SPC24: variants seen among roughly 807,000 people sequenced by gnomAD.
The protein encoded by SPC24 is SPC24 component of NDC80 kinetochore complex, also known as kinetochore protein Spc24.
In SPC24, 31 loss-of-function variants were observed where a neutral mutation model predicts 27.6. The ratio of observed to expected loss-of-function variants is 1.12; its 90% confidence interval spans 0.84 to 1.52. The LOEUF (loss-of-function observed/expected upper bound fraction) is 1.52. Ranked by LOEUF, SPC24 falls within the 40% of genes most tolerant of loss-of-function variation. The pLI, the probability that SPC24 is intolerant of heterozygous loss-of-function variation, is 0.00. For missense variants in SPC24, 284 were observed against 252.5 expected (o/e 1.12, Z -0.84); for synonymous variants, 105 against 105.8 (o/e 0.99, Z 0.05).
Position 11,155,677 on chromosome 19 carries a change from G to A in SPC24, c.100C>T (p.His34Tyr). ...EAQQRRLLGRHEQVVERLLET... is the reference protein window; with the variant it reads ...EAQQRRLLGRYEQVVERLLET... ...AGCAGCCGCTCCACCACCTGCTCGT[G>A]GCGCCCCAGCAGCCGTCGCTGCTGC... is the stretch of plus-strand genomic sequence containing the variant. Residue 34 changes from histidine to tyrosine, a missense_variant, in exon 1 of 5, where the codon CAC becomes TAC. By Grantham distance (83) the His-to-Tyr change is moderately conservative. Transcript: ENST00000592540. The A allele has an allele frequency of 1.3e-6, 2 of 1,559,480 alleles. No individual in the cohort carries two copies. The highest frequency in any genetic ancestry group is 1.7e-6 in the Non-Finnish European group (2 of 1,159,742).
At chr19:11,149,454 A>G (rs983244442) in intron 1 of SPC24, 3 of 367,746 alleles carry the variant, frequency 8.2e-6, no homozygotes, top group Non-Finnish European at 1.4e-5. Context: ...CACCTAAAAT[A>G]TAACAAAATA....
chr19:11,154,671 A>G (rs777031520), intron 1 of SPC24, among the ~76,000 whole-genome samples: 2 of 95,310 alleles, frequency 2.1e-5, no homozygotes, highest in Non-Finnish European at 4.4e-5. Context: ...GGAAGGGTAG[A>G]TATTGTACAA....
At position 11,150,185 on chromosome 19, in the gene SPC24, C is replaced by CAAAA. The variant is rs770061574; in HGVS notation, c.161-951_161-948dup. Among the ~76,000 whole-genome samples the CAAAA allele has an allele frequency of 4.7e-3, 152 of 32,228 alleles. 8 individuals carry two copies. Among genetic ancestry groups the CAAAA allele is most frequent in the East Asian group, 0.047 (50 of 1,068 alleles). The allele number at this position is 32,228 out of a possible 152,430, so 21.1% of individuals were successfully genotyped here. Reference sequence around the variant, plus strand: ...CTAGGGGGCTGAGGAAACTCCATCTCAAAAAAAAAAAAAAAAAAAAAAAGG... The same window carrying CAAAA: ...CTAGGGGGCTGAGGAAACTCCATCTCAAAAAAAAAAAAAAAAAAAAAAAAAAAGG... On this transcript the variant is annotated intron_variant, in intron 1 of 4. Transcript: ENST00000592540.
rs60459264 is a variant in SPC24, at chr19:11,155,485, G to A, written c.160+132C>T. ...ATGGTGAAACTAAGGCTCAGAGGGG[G>A]CCGTCCCAGGGGGCATAGGGCAGGA... On this transcript the variant is annotated intron_variant, in intron 1 of 4. Transcript: ENST00000592540. 4,734 of 1,086,536 alleles carry A rather than the reference G, an allele frequency of 4.4e-3. 92 individuals are homozygous for A. The African/African-American group carries it at 0.057, about 13-fold the overall frequency. 67.3% of individuals were successfully genotyped at this position (1,086,536 alleles called of 1,614,324 possible). A position where few individuals can be genotyped will look rare whatever the true frequency, so the allele number is the denominator to read the frequency against.
chr19:11,153,869 C>T (rs556595913), intron 1 of SPC24, among the ~76,000 whole-genome samples: 1 of 151,564 alleles, frequency 6.6e-6, no homozygotes, highest in South Asian at 2.1e-4. Context: ...AGATCGAGAC[C>T]ATCCTGGCTA....
At chr19:11,151,102 G>C (rs1255585185) in intron 1 of SPC24, among the ~76,000 whole-genome samples, 1 of 136,846 alleles carries the variant, frequency 7.3e-6, no homozygotes, top group Non-Finnish European at 1.5e-5. Flanking sequence ...GGCGGAGCTT[G>C]CAGTGAGCCA....
chr19:11,155,705 C>T lies in SPC24; in HGVS notation c.72G>A (p.Glu24=), dbSNP rs769747126. Residue 24 remains glutamate, a synonymous_variant, in exon 1 of 5, where the codon GAG becomes GAA. Transcript: ENST00000592540. The stretch of plus-strand genomic sequence containing the variant: ...GCCCCAGCAGCCGTCGCTGCTGCGC[C>T]TCCGCGCGGTTGGCGCCCAGCAGGC... ...LLSLLGANRA[E]AQQRRLLGRH... is the part of the protein sequence containing the mutation. The T allele has an allele frequency of 3.8e-6, 6 of 1,572,298 alleles. No individual in the cohort carries two copies. The highest frequency in any genetic ancestry group is 5.1e-6 in the Non-Finnish European group (6 of 1,167,142).
rs1276476970 is a variant in SPC24 at position 11,149,248 on chromosome 19, G to A, written c.161-10C>T. On this transcript the variant is annotated splice_polypyrimidine_tract_variant and intron_variant, in intron 1 of 4. Coordinates refer to ENST00000592540, the MANE Select transcript of SPC24 (RefSeq NM_182513.4). Reference sequence around the variant, plus strand: ...TCCATGGTGAGGATCTCTGCAGGGTGGAGAGAAGCAGGCTCCCTAGGGTCT... The same window carrying A: ...TCCATGGTGAGGATCTCTGCAGGGTAGAGAGAAGCAGGCTCCCTAGGGTCT... The A allele has an allele frequency of 4.6e-6, 7 of 1,514,824 alleles. No homozygotes were observed. The highest frequency in any genetic ancestry group is 6.2e-6 in the Non-Finnish European group (7 of 1,129,248). 93.8% of individuals were successfully genotyped at this position (1,514,824 alleles called of 1,614,324 possible). A position where few individuals can be genotyped will look rare whatever the true frequency, so the allele number is the denominator to read the frequency against.
At chr19:11,149,321 C>G in intron 1 of SPC24, 83 bp from the exon 2 acceptor site, 2 of 1,306,468 alleles carry the variant, frequency 1.5e-6, no homozygotes, top group Non-Finnish European at 2.0e-6. Context: ...CTTGCCTCCA[C>G]TGGCAAGAAA....
At position 11,150,220 on chromosome 19, in the gene SPC24, G is replaced by T. The variant is rs184213274; in HGVS notation, c.161-982C>A. 6.9e-3 allele frequency among the ~76,000 whole-genome samples: 1,030 copies of T among 150,128 alleles called. 15 individuals are homozygous for T. The highest frequency in any genetic ancestry group is 0.024 in the African/African-American group (988 of 40,652). On this transcript the variant is annotated intron_variant, in intron 1 of 4. Coordinates refer to ENST00000592540, the MANE Select transcript of SPC24 (RefSeq NM_182513.4). ...AAAAAAAAAAAAAAGGCTAGGTGTG[G>T]TGGCTCATACCTGTAATCCCAGCGC... is the stretch of plus-strand genomic sequence containing the variant.
At chr19:11,148,974 T>TG (rs1407005828) in intron 2 of SPC24, 120 bp downstream of exon 2, 1 of 1,036,620 alleles carries the variant, frequency 9.6e-7, no homozygotes, top group African/African-American at 1.7e-5. Flanking sequence ...CTCCAACTCC[T>TG]GGGCTCAAGT....
chr19:11,147,278 G>C lies in SPC24; in HGVS notation c.499C>G (p.Pro167Ala), dbSNP rs749933933. The C allele has an allele frequency of 1.5e-4, 238 of 1,565,948 alleles. No individual in the cohort carries two copies. The highest frequency in any genetic ancestry group is 2.0e-4 in the Non-Finnish European group (232 of 1,154,648). The change falls in exon 5 of 5, where the codon CCC becomes GCC. Residue 167 changes from proline (P) to alanine (A), a missense_variant. Coordinates refer to ENST00000592540, the MANE Select transcript of SPC24 (RefSeq NM_182513.4). ...PGMVKGIHHG[P>A]SVAQPIHLDS... is the part of the protein sequence containing the mutation. The stretch of plus-strand genomic sequence containing the variant: ...AGGTGGATGGGCTGGGCCACACTGG[G>C]GCCATGATGGACTGAGGCACAGATG...
At position 11,147,809 on chromosome 19, in the gene SPC24, A is replaced by G; in HGVS notation, c.487+9T>C. On this transcript the variant is annotated intron_variant, in intron 4 of 4. Coordinates refer to ENST00000592540, the MANE Select transcript of SPC24 (RefSeq NM_182513.4). ...CACAAGGGTTAAAATGGCTCCCCAA[A>G]AAGGATACTGCCTTTGACCATCCCT... 1 of 1,610,548 alleles carries G rather than the reference A, an allele frequency of 6.2e-7. No homozygotes were observed. The highest frequency in any genetic ancestry group is 1.1e-5 in the South Asian group (1 of 90,324).
chr19:11,149,733 G>A (rs368259298), intron 1 of SPC24, among the ~76,000 whole-genome samples: 154 of 148,794 alleles, frequency 1.0e-3, no homozygotes, highest in Middle Eastern at 3.4e-3. Flanking sequence ...TTTTTGAGAC[G>A]GAGTTTTGCT....
chr19:11,148,064 C>T lies in SPC24; in HGVS notation c.359G>A (p.Arg120Gln), dbSNP rs200476193. The T allele has an allele frequency of 4.0e-5, 64 of 1,613,758 alleles. No homozygotes were observed. Among genetic ancestry groups the T allele is most frequent in the Middle Eastern group, 1.6e-4 (1 of 6,084 alleles). ...GTCCTCGTCGACCTCCTTCTCCTGT[C>T]GCTCCAGATCCGCCTCAATCTCCTT... The part of the protein sequence containing the change: ...ELKEIEADLE[R>Q]QEKEVDEDTT... The change falls in exon 3 of 5, where the codon CGA becomes CAA. Residue 120 changes from arginine (R) to glutamine (Q), a missense_variant. Coordinates refer to ENST00000592540, the MANE Select transcript of SPC24 (RefSeq NM_182513.4).
intron 1 of SPC24, among the ~76,000 whole-genome samples, chr19:11,153,373 C>T (rs1251079765): frequency 1.3e-5 from 2 of 151,454 alleles, no homozygotes; most frequent in South Asian, 2.1e-4. Context: ...GGTGTGAACC[C>T]GGGAGACGGA....
rs568051327 is a variant in SPC24, at chr19:11,147,138, C to G, written c.*45G>C. 4.9e-6 allele frequency: 6 copies of G among 1,236,022 alleles called. No homozygotes were observed. The highest frequency in any genetic ancestry group is 2.2e-5 in the Admixed American group (1 of 45,994). 76.6% of individuals were successfully genotyped at this position (1,236,022 alleles called of 1,614,324 possible). On this transcript the variant is annotated 3_prime_UTR_variant, in exon 5 of 5. Coordinates refer to ENST00000592540, the MANE Select transcript of SPC24 (RefSeq NM_182513.4). ...ATTTCATTTGAAATGGATCTGACCA[C>G]GGCAGATGCCCGCTGGGTGCAAGAC...
intron 1 of SPC24, among the ~76,000 whole-genome samples, chr19:11,151,007 CA>C (rs1436355954): frequency 6.6e-6 from 1 of 151,712 alleles, no homozygotes; most frequent in African/African-American, 2.4e-5. Context: ...ACTAAAGATA[CA>C]AAAAATTAGC....
At position 11,148,074 on chromosome 19, in the gene SPC24, C is replaced by G; in HGVS notation, c.349G>C (p.Asp117His). The change falls in exon 3 of 5, where the codon GAT becomes CAT. Residue 117 changes from aspartate to histidine, a missense_variant. Transcript: ENST00000592540. ...ELEELKEIEA[D>H]LERQEKEVDE... The stretch of plus-strand genomic sequence containing the variant: ...ACCTCCTTCTCCTGTCGCTCCAGAT[C>G]CGCCTCAATCTCCTTGAGCTCTTCC... The G allele has an allele frequency of 6.2e-7, 1 of 1,613,880 alleles. No individual in the cohort carries two copies. Among genetic ancestry groups the G allele is most frequent in the Non-Finnish European group, 8.5e-7 (1 of 1,179,870 alleles).
Sources: allele counts gnomAD v4.1 joint callset (sites outside exome capture counted in the v4.1 genomes callset), GRCh38; gene constraint gnomAD v4.1.1; transcripts MANE v1.5; gene names NCBI Gene and HGNC (gene_info 2026-07-23, HGNC 2026-07-21).